CNTLN: variants seen among roughly 807,000 people sequenced by gnomAD.
CNTLN encodes centlein, also known as centlein, centrosomal protein.
Under a neutral mutation model 180.0 loss-of-function variants are expected in CNTLN, and 212 were observed. That is an observed-to-expected ratio of 1.18 (90% CI 1.05 to 1.32). CNTLN has a LOEUF of 1.32. CNTLN is among the 40% of genes most tolerant of loss of function. CNTLN has a pLI of 0.00. For missense variants in CNTLN, 2,095 were observed against 1,610.9 expected (o/e 1.30, Z -5.14); for synonymous variants, 722 against 563.1 (o/e 1.28, Z -3.99).
At chr9:17,271,734 A>G (rs2132497294) in intron 5 of CNTLN, among the ~76,000 whole-genome samples, 1 of 152,232 alleles carries the variant, frequency 6.6e-6, no homozygotes, top group South Asian at 2.1e-4. Context: ...ACTTATCAAC[A>G]GGTCCTGTCA....
At chr9:17,226,982 T>G (rs1484431306) in intron 3 of CNTLN, among the ~76,000 whole-genome samples, 1 of 151,832 alleles carries the variant, frequency 6.6e-6, no homozygotes, top group East Asian at 1.9e-4. Flanking sequence ...GTGCACAACG[T>G]GCAGGTTTGT....
intron 2 of CNTLN, among the ~76,000 whole-genome samples, chr9:17,149,069 T>A (rs1396509777): frequency 6.6e-6 from 1 of 152,148 alleles, no homozygotes; most frequent in East Asian, 1.9e-4. Flanking sequence ...CATGCAGTGT[T>A]TGGTTTTCTG....
At chr9:17,312,360 T>TAA (rs1819207409) in intron 8 of CNTLN, among the ~76,000 whole-genome samples, 2 of 15,326 alleles carry the variant, frequency 1.3e-4, no homozygotes, top group African/African-American at 2.9e-4. Flanking sequence ...TATATATATA[T>TAA]ATATTATATA....
At chr9:17,454,753 G>A (rs915331599) in intron 18 of CNTLN, among the ~76,000 whole-genome samples, 15 of 152,120 alleles carry the variant, frequency 9.9e-5, no homozygotes, top group Non-Finnish European at 1.8e-4. Flanking sequence ...TTTTAAATGA[G>A]GAAACAAAGC....
chr9:17,303,880 A>G (rs1563977750), intron 7 of CNTLN, among the ~76,000 whole-genome samples: 1 of 152,186 alleles, frequency 6.6e-6, no homozygotes, highest in East Asian at 1.9e-4. Flanking sequence ...AGTTGAATTA[A>G]AAGTATTACA....
At chr9:17,311,581 G>A (rs1302696551) in intron 8 of CNTLN, among the ~76,000 whole-genome samples, 1 of 151,572 alleles carries the variant, frequency 6.6e-6, no homozygotes, top group African/African-American at 2.4e-5. Context: ...AGGCCGAGGC[G>A]GGCGAATCAT....
intron 6 of CNTLN, among the ~76,000 whole-genome samples, chr9:17,294,335 G>A (rs888934338): frequency 6.6e-6 from 1 of 152,058 alleles, no homozygotes; most frequent in East Asian, 2.0e-4. Context: ...ACAGAGAGCC[G>A]ATTGGTTTTA....
chr9:17,493,183 T>A (rs1223954276), intron 25 of CNTLN, among the ~76,000 whole-genome samples: 1 of 152,124 alleles, frequency 6.6e-6, no homozygotes, highest in African/African-American at 2.4e-5. Flanking sequence ...TGAATGTAAT[T>A]AATGCCACTG....
intron 25 of CNTLN, among the ~76,000 whole-genome samples, chr9:17,488,385 A>G (rs1005735256): frequency 2.9e-4 from 44 of 152,158 alleles, no homozygotes; most frequent in Non-Finnish European, 1.6e-4. Context: ...TCAGTGGCTG[A>G]CACATCAAAG....
At chr9:17,144,285 T>C (rs936687041) in intron 2 of CNTLN, among the ~76,000 whole-genome samples, 3 of 152,208 alleles carry the variant, frequency 2.0e-5, no homozygotes, top group African/African-American at 4.8e-5. Context: ...TTTCTTCTCA[T>C]GTTGCTTGTA....
intron 25 of CNTLN, among the ~76,000 whole-genome samples, chr9:17,493,755 T>C (rs10756886): frequency 0.32 from 48,446 of 152,146 alleles, 8,896 homozygotes; most frequent in East Asian, 0.52. Flanking sequence ...CAACCACTCT[T>C]CCAGAGCATG....
chr9:17,498,361 T>G (rs1207477608), intron 25 of CNTLN, among the ~76,000 whole-genome samples: 1 of 152,104 alleles, frequency 6.6e-6, no homozygotes, highest in Non-Finnish European at 1.5e-5. Flanking sequence ...AATTTGTAAG[T>G]GTGAGTAATA....
At chr9:17,344,214 G>C (rs569943436) in intron 12 of CNTLN, among the ~76,000 whole-genome samples, 17 of 152,220 alleles carry the variant, frequency 1.1e-4, no homozygotes, top group Admixed American at 1.0e-3. Flanking sequence ...TAAAATTAGA[G>C]AACTCAGAAT....
chr9:17,412,329 A>G (rs1827910711), intron 16 of CNTLN, among the ~76,000 whole-genome samples: 1 of 152,182 alleles, frequency 6.6e-6, no homozygotes. Context: ...AATAGCCAAA[A>G]TGTCCAGGAT....
intron 18 of CNTLN, among the ~76,000 whole-genome samples, chr9:17,449,404 A>G (rs1427241715): frequency 3.3e-5 from 5 of 152,100 alleles, no homozygotes; most frequent in Admixed American, 6.5e-5. Context: ...TTTACTGAGA[A>G]TTAGTGGGTG....
rs140145645 is a variant in CNTLN at position 17,231,849 on chromosome 9, C to G, written c.535-3809C>G. Among the ~76,000 whole-genome samples the G allele has an allele frequency of 4.1e-3, 625 of 150,924 alleles. 3 individuals are homozygous for G. Among genetic ancestry groups the G allele is most frequent in the Middle Eastern group, 0.01 (3 of 294 alleles). On this transcript the variant is annotated intron_variant, in intron 3 of 25. Transcript: ENST00000380647. ...CCCATTTTTATGCCTGCTTCATACTCACTATTATTCTCTTGTTACTCTGTA... is the reference window on the plus strand; with the variant it reads ...CCCATTTTTATGCCTGCTTCATACTGACTATTATTCTCTTGTTACTCTGTA...
intron 2 of CNTLN, among the ~76,000 whole-genome samples, chr9:17,212,678 C>G (rs1459814962): frequency 6.6e-6 from 1 of 152,166 alleles, no homozygotes. Context: ...GTGAATCTAT[C>G]TGCTCCTGGA....
intron 8 of CNTLN, among the ~76,000 whole-genome samples, chr9:17,326,468 A>G (rs1587665111): frequency 6.6e-6 from 1 of 152,180 alleles, no homozygotes; most frequent in African/African-American, 2.4e-5. Context: ...AAAGATATGT[A>G]AGGATATATG....
chr9:17,386,916 T>A (rs1459882211), intron 13 of CNTLN, among the ~76,000 whole-genome samples: 4 of 152,224 alleles, frequency 2.6e-5, no homozygotes, highest in Non-Finnish European at 5.9e-5. Context: ...GCTGAAAGAT[T>A]GCTGTAAATG....
Sources: allele counts gnomAD v4.1 joint callset (sites outside exome capture counted in the v4.1 genomes callset), GRCh38; gene constraint gnomAD v4.1.1; transcripts MANE v1.5; gene names NCBI Gene and HGNC (gene_info 2026-07-23, HGNC 2026-07-21).